KRT76: variants seen among roughly 807,000 people sequenced by gnomAD.
KRT76 encodes the protein keratin, type II cytoskeletal 2 oral.
A neutral mutation model predicts 44.9 loss-of-function variants in KRT76; 47 were observed. The observed-to-expected ratio is 1.05, with a 90% CI of 0.83 to 1.33. KRT76 has a LOEUF of 1.33. Among genes scored for constraint, KRT76 ranks in the 40% most tolerant of loss-of-function variants. The probability of loss-of-function intolerance (pLI) is 0.00; values close to 1 mark genes in which losing one functional copy is unlikely to be tolerated. For missense variants in KRT76, 860 were observed against 775.8 expected, an observed-to-expected ratio of 1.11 and a Z score of -1.29; for synonymous variants, 331 against 294.1, an observed-to-expected ratio of 1.13 and a Z score of -1.28.
intron 2 of KRT76, 35 bp downstream of exon 2, chr12:52,775,353 C>T (rs2121197346): frequency 1.3e-6 from 2 of 1,597,452 alleles, no homozygotes; most frequent in Admixed American, 1.7e-5. Context: ...CTGCTAATTC[C>T]CCAGAAGGGG....
chr12:52,771,313 C>G, intron 6 of KRT76, 94 bp from the exon 7 acceptor site: 5 of 1,210,890 alleles, frequency 4.1e-6, no homozygotes, highest in Non-Finnish European at 5.9e-6. Flanking sequence ...GCATCCCTTC[C>G]TCCCTTTCCT....
chr12:52,769,555 A>C lies in KRT76; in HGVS notation c.1513T>G (p.Cys505Gly), dbSNP rs112941391. The change falls in exon 8 of 9, where the codon TGC becomes GGC. Residue 505 changes from cysteine (C) to glycine (G), a missense_variant. Cys to Gly is a radical substitution (Grantham distance 159). Transcript: ENST00000332411. ...RMSGECQSAV[C>G]ISVVSNVTST... is the part of the protein sequence containing the mutation. ...TTTTGAATGGGCTACTTACAAATGC[A>C]CACGGCACTCTGACATTCTCCAGAC... The C allele has an allele frequency of 1.6e-5, 26 of 1,613,956 alleles. No homozygotes were observed. In the African/African-American group the frequency reaches 2.5e-4, roughly 16 times the overall value.
At chr12:52,774,873 G>A (rs1346049549) in intron 2 of KRT76, among the ~76,000 whole-genome samples, 5 of 152,320 alleles carry the variant, frequency 3.3e-5, no homozygotes, top group South Asian at 4.1e-4. Context: ...AACTTGGAAC[G>A]TGGAGGAGGA....
At position 52,775,580 on chromosome 12, in the gene KRT76, T is replaced by C; in HGVS notation, c.623A>G (p.Asn208Ser). ...TTCCCACTTGGTCTCCAGGACCTTG[T>C]TCTGCTGTTCCAGGAACCGCACCTG... ...IDKVRFLEQQ[N>S]KVLETKWELL... The change falls in exon 2 of 9, where the codon AAC becomes AGC. Residue 208 changes from asparagine (N) to serine (S), a missense_variant. Transcript: ENST00000332411. 6.2e-7 allele frequency: 1 copy of C among 1,613,754 alleles called. No individual in the cohort carries two copies. Among genetic ancestry groups the C allele is most frequent in the South Asian group, 1.1e-5 (1 of 91,050 alleles).
At chr12:52,769,746 C>T (rs1939150954) in intron 7 of KRT76, among the ~76,000 whole-genome samples, 163 bp from the exon 8 acceptor site, 1 of 152,186 alleles carries the variant, frequency 6.6e-6, no homozygotes, top group Non-Finnish European at 1.5e-5. Context: ...ACCATATCTC[C>T]CCAGAAAAGG....
In KRT76 at chr12:52,768,824, A is replaced by G; in HGVS notation, c.1806T>C (p.Ser602=). Residue 602 remains serine, a synonymous_variant, in exon 9 of 9, where the codon TCT becomes TCC. Coordinates refer to ENST00000332411, the MANE Select transcript of KRT76 (RefSeq NM_015848.4). ...SVSHSGMGSS[S]GSIQTSGGSG... ...TTCCTCCAGAAGTCTGGATGCTGCC[A>G]GAGCTGGAGCCCATTCCACTGTGGC... The G allele has an allele frequency of 5.0e-6, 8 of 1,614,016 alleles. No individual in the cohort carries two copies. The highest frequency in any genetic ancestry group is 6.8e-6 in the Non-Finnish European group (8 of 1,179,942).
intron 7 of KRT76, among the ~76,000 whole-genome samples, chr12:52,770,793 A>C (rs563731200): frequency 6.6e-6 from 1 of 152,000 alleles, no homozygotes; most frequent in Admixed American, 6.5e-5. Context: ...GATATGTAAC[A>C]TGATATTGAT....
chr12:52,768,763 T>C lies in KRT76; in HGVS notation c.1867A>G (p.Ile623Val). Residue 623 changes from isoleucine (I) to valine (V), a missense_variant, in exon 9 of 9, where the codon ATC becomes GTC. Ile to Val is a conservative substitution (Grantham distance 29). Coordinates refer to ENST00000332411, the MANE Select transcript of KRT76 (RefSeq NM_015848.4). Reference protein sequence around the residue: ...YKSGGGGSTSIRFSQTTSSSQ... With the variant: ...YKSGGGGSTSVRFSQTTSSSQ... Reference sequence around the variant, plus strand: ...GAGCTCGTGGTCTGGGAGAAGCGGATACTGGTGCTGCCTCCACCACCAGAC... The same window carrying C: ...GAGCTCGTGGTCTGGGAGAAGCGGACACTGGTGCTGCCTCCACCACCAGAC... The C allele has an allele frequency of 6.2e-7, 1 of 1,611,092 alleles. No homozygotes were observed. Among genetic ancestry groups the C allele is most frequent in the Non-Finnish European group, 8.5e-7 (1 of 1,177,528 alleles).
rs1256674357 is a variant in KRT76 at position 52,777,065 on chromosome 12, G to T, written c.227C>A (p.Ser76Tyr). 1 of 1,614,014 alleles carries T rather than the reference G, an allele frequency of 6.2e-7. No homozygotes were observed. Among genetic ancestry groups the T allele is most frequent in the African/African-American group, 1.3e-5 (1 of 74,900 alleles). The change falls in exon 1 of 9, where the codon TCC (serine) becomes TAC (tyrosine). Residue 76 changes from serine to tyrosine, a missense_variant. Transcript: ENST00000332411. ...SISISVAAGSSRAGGFGGGRS... is the reference protein window; with the variant it reads ...SISISVAAGSYRAGGFGGGRS... ...CCCTCCCCCAAAGCCTCCAGCCCGG[G>T]AGCTGCCAGCTGCCACGCTGATGGA...
chr12:52,770,252 C>T (rs1382153681), intron 7 of KRT76, among the ~76,000 whole-genome samples: 1 of 152,196 alleles, frequency 6.6e-6, no homozygotes, highest in Non-Finnish European at 1.5e-5. Context: ...CCTTCACTCT[C>T]ACTTTCCTTC....
In KRT76 at chr12:52,777,095, C is replaced by T; in HGVS notation, c.197G>A (p.Ser66Asn). The change falls in exon 1 of 9, where the codon AGC (serine) becomes AAC (asparagine). Residue 66 changes from serine to asparagine, a missense_variant. Ser to Asn is a conservative substitution (Grantham distance 46). Coordinates refer to ENST00000332411, the MANE Select transcript of KRT76 (RefSeq NM_015848.4). ...RSLYNLGSNK[S>N]ISISVAAGSS... is the part of the protein sequence containing the mutation. ...GCCAGCTGCCACGCTGATGGAGATG[C>T]TCTTGTTGCTGCCCAGGTTGTAGAG... 1 of 1,614,232 alleles carries T rather than the reference C, an allele frequency of 6.2e-7. No homozygotes were observed. The highest frequency in any genetic ancestry group is 2.2e-5 in the East Asian group (1 of 44,882).
At chr12:52,771,313 C>T in intron 6 of KRT76, 94 bp from the exon 7 acceptor site, 1 of 1,210,888 alleles carries the variant, frequency 8.3e-7, no homozygotes, top group Non-Finnish European at 1.2e-6. Context: ...GCATCCCTTC[C>T]TCCCTTTCCT....
At position 52,770,735 on chromosome 12, in the gene KRT76, A is replaced by T. The variant is rs532699358; in HGVS notation, c.1484+264T>A. Among the ~76,000 whole-genome samples, 21 of 152,320 alleles carry T rather than the reference A, an allele frequency of 1.4e-4. 1 individual carries two copies. The South Asian group carries it at 4.4e-3, about 32-fold the overall frequency. ...CAGCACTGGTCTATCACTTGTCATA[A>T]TGCCAAAGAACTTTCCTCATACATT... On this transcript the variant is annotated intron_variant, in intron 7 of 8. Transcript: ENST00000332411.
Position 52,776,977 on chromosome 12 carries a change from G to T in KRT76, c.315C>A (p.Gly105=). ...TACCTACTCCTCTGCCACCACCAAA[G>T]CCACCACCATAGCTGCCCCCAAAGC... ...GGGFGGSYGG[G]FGGGRGVGSG... is the part of the protein sequence containing the mutation. Residue 105 remains glycine (G), a synonymous_variant, in exon 1 of 9, where the codon GGC becomes GGA. Coordinates refer to ENST00000332411, the MANE Select transcript of KRT76 (RefSeq NM_015848.4). 6.2e-7 allele frequency: 1 copy of T among 1,613,844 alleles called. No individual in the cohort carries two copies. Among genetic ancestry groups the T allele is most frequent in the East Asian group, 2.2e-5 (1 of 44,864 alleles).
Position 52,776,867 on chromosome 12 carries a change from C to T in KRT76, c.425G>A (p.Gly142Asp). Residue 142 changes from glycine (G) to aspartate (D), a missense_variant, in exon 1 of 9, where the codon GGT (glycine) becomes GAT (aspartate). Gly to Asp is a moderately conservative substitution (Grantham distance 94). Coordinates refer to ENST00000332411, the MANE Select transcript of KRT76 (RefSeq NM_015848.4). ...GCCCCCAGGGCCAAAGCCACCAGGACCACCAAAGCTGCCAGGCCCACCAAA... is the reference window on the plus strand; with the variant it reads ...GCCCCCAGGGCCAAAGCCACCAGGATCACCAAAGCTGCCAGGCCCACCAAA... ...GVFGGPGSFG[G>D]PGGFGPGGFP... is the part of the protein sequence containing the mutation. 1.9e-6 allele frequency: 3 copies of T among 1,612,764 alleles called. No individual in the cohort carries two copies. The highest frequency in any genetic ancestry group is 1.7e-5 in the Admixed American group (1 of 59,652).
rs1359700470 is a variant in KRT76 at position 52,768,774 on chromosome 12, C to T, written c.1856G>A (p.Gly619Asp). ...GGSGYKSGGG[G>D]STSIRFSQTT... The stretch of plus-strand genomic sequence containing the variant: ...CTGGGAGAAGCGGATACTGGTGCTG[C>T]CTCCACCACCAGACTTGTAGCCACT... The change falls in exon 9 of 9, where the codon GGC (glycine) becomes GAC (aspartate). Residue 619 changes from glycine (G) to aspartate (D), a missense_variant. Coordinates refer to ENST00000332411, the MANE Select transcript of KRT76 (RefSeq NM_015848.4). 6.2e-7 allele frequency: 1 copy of T among 1,612,208 alleles called. No homozygotes were observed. The highest frequency in any genetic ancestry group is 2.2e-5 in the East Asian group (1 of 44,834).
chr12:52,771,360 T>G, intron 6 of KRT76, 141 bp from the exon 7 acceptor site: 1 of 833,864 alleles, frequency 1.2e-6, no homozygotes, highest in Non-Finnish European at 1.8e-6. Context: ...AGAAAAGAAG[T>G]CAGTTTTGCA....
chr12:52,772,137 G>T lies in KRT76; in HGVS notation c.1094C>A (p.Ala365Asp), dbSNP rs756564638. The part of the protein sequence containing the change: ...AEVRAQYEEI[A>D]QRSKSEAEAL... ...CTCAGCTTCAGACTTGCTCCTCTGG[G>T]CAATCTCCTCATACTGGGCGCGGAC... Residue 365 changes from alanine (A) to aspartate (D), a missense_variant, in exon 5 of 9, where the codon GCC (alanine) becomes GAC (aspartate). Physicochemically the swap from Ala to Asp is moderately radical, Grantham distance 126 (BLOSUM62 -2). Transcript: ENST00000332411. The T allele has an allele frequency of 1.2e-6, 2 of 1,613,252 alleles. No individual in the cohort carries two copies. The highest frequency in any genetic ancestry group is 2.2e-5 in the South Asian group (2 of 90,850).
Position 52,769,708 on chromosome 12 carries a change from G to A in KRT76, c.1485-125C>T, listed in dbSNP as rs1220290076. The A allele has an allele frequency of 3.2e-5, 25 of 774,546 alleles. No homozygotes were observed. In the East Asian group the frequency reaches 5.2e-4, roughly 16 times the overall value. The allele number at this position is 774,546 out of a possible 1,614,324, so 48.0% of individuals were successfully genotyped here. On this transcript the variant is annotated intron_variant, in intron 7 of 8. Coordinates refer to ENST00000332411, the MANE Select transcript of KRT76 (RefSeq NM_015848.4). ...ACTAGGGGTCAAGCTCCTGCAAGAA[G>A]AAAGCCTATTCCAAGTCTGTTTCCA...
Sources: gnomAD v4.1 joint callset for allele counts (sites outside exome capture counted in the v4.1 genomes callset) on GRCh38, gnomAD v4.1.1 for gene constraint, MANE v1.5 for transcripts, NCBI Gene and HGNC (gene_info 2026-07-23, HGNC 2026-07-21) for gene names.